Variants in C5orf58 observed in about 807,000 individuals in gnomAD.
The protein encoded by C5orf58 is chromosome 5 open reading frame 58.
In C5orf58, 2 loss-of-function variants were observed where a neutral mutation model predicts 2.9. That is an observed-to-expected ratio of 0.69 (90% CI 0.28 to 2.18). The LOEUF (loss-of-function observed/expected upper bound fraction) is 2.18, where lower values mean the gene tolerates loss of function less well. Ranked by LOEUF, C5orf58 falls within the 30% of genes most tolerant of loss-of-function variation. The pLI, the probability that C5orf58 is intolerant of heterozygous loss-of-function variation, is 0.13. For synonymous variants in C5orf58, 37 were observed against 33.4 expected (o/e 1.11, Z -0.37); for missense variants, 96 against 91.7 (o/e 1.05, Z -0.19).
chr5:170,237,206 G>A (rs534891494), intron 3 of C5orf58: 55 of 398,174 alleles, frequency 1.4e-4, no homozygotes, highest in African/African-American at 1.1e-3. Flanking sequence ...TAGGAAGGTA[G>A]ACTTCTGGTA....
chr5:170,242,792 A>AT (rs1761076445), intron 3 of C5orf58, among the ~76,000 whole-genome samples: 1 of 151,230 alleles, frequency 6.6e-6, no homozygotes, highest in Non-Finnish European at 1.5e-5. Context: ...TTCTGCTCTG[A>AT]TTTTAGTTAT....
downstream of C5orf58, chr5:170,250,611 T>C: frequency 1.3e-6 from 1 of 767,028 alleles, no homozygotes; most frequent in Non-Finnish European, 2.3e-6. Context: ...AGGGCTTCAC[T>C]CATGTGATTT....
chr5:170,240,594 T>C lies in C5orf58; in HGVS notation c.95-5368T>C, dbSNP rs1581040976. On this transcript the variant is annotated intron_variant, in intron 3 of 3. Coordinates refer to ENST00000593851, the MANE Select transcript of C5orf58 (RefSeq NM_001102609.3). ...TCTTCTTTTGAGAAGTGTCTGTTCA[T>C]GTCCTTCGCCCACTTTTTGATGGGG... 3.9e-5 allele frequency among the ~76,000 whole-genome samples: 6 copies of C among 152,106 alleles called. No homozygotes were observed. The East Asian group carries it at 1.2e-3, about 29-fold the overall frequency.
downstream of C5orf58, chr5:170,248,844 G>A (rs1342307862): frequency 6.2e-7 from 1 of 1,609,260 alleles, no homozygotes. Context: ...ATAGGGAGAT[G>A]AGTCAACATT....
intron 3 of C5orf58, among the ~76,000 whole-genome samples, chr5:170,238,017 G>A (rs1341150850): frequency 6.6e-6 from 1 of 152,092 alleles, no homozygotes; most frequent in Non-Finnish European, 1.5e-5. Context: ...AATAGCAGAG[G>A]TTCTCCCAAC....
exon 3 of C5orf58, chr5:170,251,714 G>A (rs1761446948): frequency 4.6e-5 from 21 of 453,252 alleles, no homozygotes; most frequent in South Asian, 3.1e-4. Flanking sequence ...TCACAGTCTT[G>A]GCTTCAAATT....
chr5:170,234,916 A>G (rs181994244), intron 2 of C5orf58, 61 bp from the exon 3 acceptor site: 216 of 669,176 alleles, frequency 3.2e-4, no homozygotes, highest in Non-Finnish European at 3.8e-4. Flanking sequence ...AAATGTAAGT[A>G]TTTTAAAAGT....
At chr5:170,235,202 T>A (rs1248863523) in intron 3 of C5orf58, 132 bp downstream of exon 3, 1 of 584,862 alleles carries the variant, frequency 1.7e-6, no homozygotes, top group Non-Finnish European at 3.1e-6. Context: ...TAACAAATGT[T>A]TTCAGTGTAA....
intron 3 of C5orf58, among the ~76,000 whole-genome samples, chr5:170,236,071 A>G (rs1318119052): frequency 6.6e-6 from 1 of 152,026 alleles, no homozygotes; most frequent in East Asian, 1.9e-4. Flanking sequence ...GTTCCCTTTC[A>G]TTGGCCAGAT....
intron 3 of C5orf58, among the ~76,000 whole-genome samples, chr5:170,240,952 A>T (rs1489288034): frequency 6.6e-6 from 1 of 151,104 alleles, no homozygotes; most frequent in African/African-American, 2.4e-5. Flanking sequence ...TGATTTTTGT[A>T]TAAGGTGTAA....
intron 3 of C5orf58, among the ~76,000 whole-genome samples, chr5:170,245,627 C>T (rs576633750): frequency 6.6e-5 from 10 of 152,326 alleles, no homozygotes; most frequent in South Asian, 4.1e-4. Flanking sequence ...CGCCCTGCTT[C>T]GGCTCGCACA....
downstream of C5orf58, chr5:170,246,682 C>T (rs1761305680): frequency 6.5e-6 from 1 of 152,674 alleles, no homozygotes. Context: ...AAAGAGAGAT[C>T]TTGTCTCAGG....
intron 1 of C5orf58, chr5:170,233,877 C>T: frequency 2.9e-6 from 1 of 348,740 alleles, no homozygotes; most frequent in South Asian, 2.2e-5. Flanking sequence ...AGAGAGGCCA[C>T]TGTCTTGGGC....
intron 2 of C5orf58, chr5:170,251,566 C>T: frequency 2.2e-6 from 1 of 451,556 alleles, no homozygotes; most frequent in African/African-American, 2.0e-5. Context: ...AAACTACTCC[C>T]TTCTCCTCAT....
intron 3 of C5orf58, among the ~76,000 whole-genome samples, chr5:170,239,797 T>G (rs1760908592): frequency 6.6e-6 from 1 of 152,176 alleles, no homozygotes; most frequent in Non-Finnish European, 1.5e-5. Flanking sequence ...AATTATACTT[T>G]AAGTTTTAGG....
chr5:170,250,660 C>A, downstream of C5orf58: 30 of 1,200,742 alleles, frequency 2.5e-5, no homozygotes, highest in Non-Finnish European at 3.6e-5. Context: ...TCTCAAAGAT[C>A]GCTCCATGAA....
At chr5:170,239,744 T>G (rs1760902696) in intron 3 of C5orf58, among the ~76,000 whole-genome samples, 1 of 152,232 alleles carries the variant, frequency 6.6e-6, no homozygotes, top group Admixed American at 6.5e-5. Flanking sequence ...TAAGTTTTTA[T>G]GTCATGCTTA....
chr5:170,248,684 C>T (rs753470532), downstream of C5orf58: 8 of 1,573,060 alleles, frequency 5.1e-6, no homozygotes, highest in African/African-American at 1.5e-5. Context: ...TTCATTTGCT[C>T]GGCTATAACT....
downstream of C5orf58, chr5:170,247,894 T>G (rs1052184423): frequency 6.6e-6 from 1 of 152,250 alleles, no homozygotes; most frequent in East Asian, 1.9e-4. Context: ...TTGGTGTGGG[T>G]GTGGAGATGT....
Sources: gnomAD v4.1 joint callset for allele counts (sites outside exome capture counted in the v4.1 genomes callset) on GRCh38, gnomAD v4.1.1 for gene constraint, MANE v1.5 for transcripts, NCBI Gene and HGNC (gene_info 2026-07-23, HGNC 2026-07-21) for gene names.